The following PCED1B variants were observed in gnomAD, a reference collection of about 807,000 sequenced individuals.
The protein encoded by PCED1B is PC-esterase domain containing 1B.
For synonymous variants in PCED1B, 251 were observed against 246.1 expected (o/e 1.02, Z -0.19); for missense variants, 573 against 573.9 (o/e 1.00, Z 0.02).
intron 2 of PCED1B, among the ~76,000 whole-genome samples, chr12:47,192,775 G>A (rs1180508953): frequency 6.6e-6 from 1 of 152,062 alleles, no homozygotes; most frequent in East Asian, 1.9e-4. Flanking sequence ...ACTGTGCTGA[G>A]GATTTTTCAT....
intron 3 of PCED1B, among the ~76,000 whole-genome samples, chr12:47,230,925 C>G (rs913801086): frequency 6.6e-6 from 1 of 152,284 alleles, no homozygotes. Context: ...AAACAGTTTA[C>G]GTTTAATCCT....
At chr12:47,088,774 A>G (rs1938110327) in intron 1 of PCED1B, among the ~76,000 whole-genome samples, 1 of 152,140 alleles carries the variant, frequency 6.6e-6, no homozygotes, top group South Asian at 2.1e-4. Flanking sequence ...GGCGTTTCCT[A>G]CTTCATGGAA....
At position 47,119,698 on chromosome 12, in the gene PCED1B, G is replaced by T. The variant is rs1442071019; in HGVS notation, c.-526+15503G>T. On this transcript the variant is annotated intron_variant, in intron 2 of 3. Coordinates refer to ENST00000546455, the MANE Select transcript of PCED1B (RefSeq NM_138371.3). ...TACACCTCAATAATAAAAAGATTAG[G>T]CCGGGCGTGGTGGCTCACACCTATA... is the stretch of plus-strand genomic sequence containing the variant. Among the ~76,000 whole-genome samples, 6 of 151,144 alleles carry T rather than the reference G, an allele frequency of 4.0e-5. 1 individual carries two copies. The highest frequency in any genetic ancestry group is 4.0e-4 in the Admixed American group (6 of 15,182).
chr12:47,154,305 C>T (rs1443869620), intron 2 of PCED1B, among the ~76,000 whole-genome samples: 2 of 152,132 alleles, frequency 1.3e-5, no homozygotes, highest in Non-Finnish European at 2.9e-5. Context: ...TCTATGACTT[C>T]CTTATGAGCA....
rs1342153065 is a variant in PCED1B, at chr12:47,117,646, C to T, written c.-526+13451C>T. 4.6e-5 allele frequency among the ~76,000 whole-genome samples: 7 copies of T among 151,966 alleles called. No homozygotes were observed. In the East Asian group the frequency reaches 7.7e-4, roughly 17 times the overall value. On this transcript the variant is annotated intron_variant, in intron 2 of 3. Coordinates refer to ENST00000546455, the MANE Select transcript of PCED1B (RefSeq NM_138371.3). The stretch of plus-strand genomic sequence containing the variant: ...AAGTCTTTGCTATTGTGAATAGTGC[C>T]GCAATAAACATACGTGTGCATGTGT...
At chr12:47,131,404 C>A (rs768453221) in intron 2 of PCED1B, among the ~76,000 whole-genome samples, 34 of 152,124 alleles carry the variant, frequency 2.2e-4, no homozygotes, top group Non-Finnish European at 3.7e-4. Context: ...TCAATTCGTT[C>A]TATTTTCATA....
chr12:47,118,268 G>A (rs949743262), intron 2 of PCED1B, among the ~76,000 whole-genome samples: 5 of 152,184 alleles, frequency 3.3e-5, no homozygotes, highest in Non-Finnish European at 7.4e-5. Flanking sequence ...CCTTGCCCAT[G>A]CCTATGTCCT....
At chr12:47,228,232 C>T (rs906613478) in intron 3 of PCED1B, among the ~76,000 whole-genome samples, 23 of 152,066 alleles carry the variant, frequency 1.5e-4, no homozygotes, top group African/African-American at 5.6e-4. Context: ...GACAGGGTTT[C>T]ACCAAGTTGC....
intron 2 of PCED1B, among the ~76,000 whole-genome samples, chr12:47,104,965 C>G (rs115292989): frequency 6.6e-6 from 1 of 152,210 alleles, no homozygotes; most frequent in Non-Finnish European, 1.5e-5. Context: ...TCCTTTTGTA[C>G]TCTGACTTCT....
chr12:47,108,969 C>T (rs1939076340), intron 2 of PCED1B, among the ~76,000 whole-genome samples: 1 of 152,222 alleles, frequency 6.6e-6, no homozygotes, highest in African/African-American at 2.4e-5. Flanking sequence ...GCAGAGTCCT[C>T]ACCACAGATG....
At chr12:47,222,709 T>G (rs993730639) in intron 3 of PCED1B, among the ~76,000 whole-genome samples, 1 of 152,170 alleles carries the variant, frequency 6.6e-6, no homozygotes, top group Non-Finnish European at 1.5e-5. Flanking sequence ...TGATGAGGTT[T>G]CTTCAGGGCA....
intron 1 of PCED1B, among the ~76,000 whole-genome samples, chr12:47,082,694 T>A (rs1203997453): frequency 1.3e-5 from 2 of 152,226 alleles, no homozygotes; most frequent in Admixed American, 1.3e-4. Context: ...TATAATCCTA[T>A]AACCCAGATG....
At chr12:47,217,528 AG>A (rs1225036104) in intron 3 of PCED1B, among the ~76,000 whole-genome samples, 2 of 86,046 alleles carry the variant, frequency 2.3e-5, no homozygotes, top group African/African-American at 1.3e-4. Context: ...AGAAAGAGAA[AG>A]AGAGAAAAGA....
chr12:47,099,666 T>C (rs775499681), intron 1 of PCED1B, among the ~76,000 whole-genome samples: 12 of 152,206 alleles, frequency 7.9e-5, no homozygotes, highest in Non-Finnish European at 1.6e-4. Context: ...CTTGTACTTC[T>C]GTGAGATCTC....
chr12:47,222,339 T>C (rs551948324), intron 3 of PCED1B, among the ~76,000 whole-genome samples: 1 of 147,286 alleles, frequency 6.8e-6, no homozygotes, highest in African/African-American at 2.6e-5. Context: ...GGAGAATCGC[T>C]TGAACCTGGG....
At chr12:47,155,240 G>A (rs1198852905) in intron 2 of PCED1B, among the ~76,000 whole-genome samples, 1 of 152,168 alleles carries the variant, frequency 6.6e-6, no homozygotes, top group African/African-American at 2.4e-5. Flanking sequence ...TATACTGAAA[G>A]GAGCTACCCT....
chr12:47,217,335 G>T (rs887420544), intron 3 of PCED1B, among the ~76,000 whole-genome samples: 3 of 151,320 alleles, frequency 2.0e-5, no homozygotes, highest in Non-Finnish European at 2.9e-5. Flanking sequence ...CTGCAGAGTT[G>T]CTGCAGTGAG....
At chr12:47,164,262 G>A (rs1016373949) in intron 2 of PCED1B, among the ~76,000 whole-genome samples, 17 of 152,182 alleles carry the variant, frequency 1.1e-4, no homozygotes, top group Non-Finnish European at 2.4e-4. Context: ...AGTCTCATCT[G>A]AGAGCCTGTG....
At chr12:47,179,454 A>G (rs1322068423) in intron 2 of PCED1B, among the ~76,000 whole-genome samples, 6 of 152,236 alleles carry the variant, frequency 3.9e-5, no homozygotes, top group African/African-American at 1.4e-4. Context: ...TGAAGCCTCA[A>G]TTAATTGGAA....
Sources: allele counts gnomAD v4.1 joint callset (sites outside exome capture counted in the v4.1 genomes callset), GRCh38; gene constraint gnomAD v4.1.1; transcripts MANE v1.5; gene names NCBI Gene and HGNC (gene_info 2026-07-23, HGNC 2026-07-21).